Variants in CELF2 observed in about 807,000 individuals in gnomAD.
CELF2 encodes CUG triplet repeat RNA-binding protein 2.
In CELF2, 8 loss-of-function variants were observed where a neutral mutation model predicts 62.6. The observed-to-expected ratio is 0.13, with a 90% CI of 0.07 to 0.23. The LOEUF (loss-of-function observed/expected upper bound fraction) is 0.23, where lower values mean the gene tolerates loss of function less well. CELF2 is among the 10% of genes least tolerant of loss of function. The pLI, the probability that CELF2 is intolerant of heterozygous loss-of-function variation, is 1.00. For synonymous variants in CELF2, 258 were observed against 250.0 expected, an observed-to-expected ratio of 1.03 and a Z score of -0.30; for missense variants, 333 against 671.0, an observed-to-expected ratio of 0.50 and a Z score of 5.56.
intron 7 of CELF2, among the ~76,000 whole-genome samples, chr10:11,272,211 T>C (rs2084080579): frequency 6.6e-6 from 1 of 152,252 alleles, no homozygotes; most frequent in African/African-American, 2.4e-5. Flanking sequence ...TTTCTGTCCA[T>C]TTCTCTACCT....
At chr10:10,792,294 G>C in the CELF2 span, 3 of 397,496 alleles carry the variant, frequency 7.5e-6, no homozygotes, top group Non-Finnish European at 8.9e-6. Context: ...AAGTGAATCT[G>C]TGGTACATTC....
chr10:11,270,995 A>G lies in CELF2; in HGVS notation c.777+171A>G, dbSNP rs546307381. On this transcript the variant is annotated intron_variant, in intron 7 of 12. Coordinates refer to ENST00000633077, the MANE Select transcript of CELF2 (RefSeq NM_001326342.2). This position sits in a 1 kb window ranked among gnomAD's most constrained non-coding sequence, Gnocchi z 5.8. ...CCAAGTTAGATTGATTCTGTTAAGAACAGGACTAATTGAATTCCTGCCTGA... is the reference window on the plus strand; with the variant it reads ...CCAAGTTAGATTGATTCTGTTAAGAGCAGGACTAATTGAATTCCTGCCTGA... Among the ~76,000 whole-genome samples, 195 of 152,366 alleles carry G rather than the reference A, an allele frequency of 1.3e-3. No homozygotes were observed. The highest frequency in any genetic ancestry group is 4.4e-3 in the African/African-American group (185 of 41,590).
chr10:10,863,632 C>A (rs1010773912), intron 1 of CELF2, among the ~76,000 whole-genome samples: 26 of 152,066 alleles, frequency 1.7e-4, no homozygotes, highest in African/African-American at 5.1e-4. Flanking sequence ...ATGGCAAAAA[C>A]CACAATTACT....
the CELF2 span, among the ~76,000 whole-genome samples, chr10:10,580,671 C>T: frequency 2.0e-5 from 3 of 152,138 alleles, no homozygotes; most frequent in Non-Finnish European, 2.9e-5. Context: ...GAAACTAATA[C>T]ATAACATAGA....
intron 1 of CELF2, among the ~76,000 whole-genome samples, chr10:11,161,896 A>G (rs2065806014): frequency 6.6e-6 from 1 of 152,204 alleles, no homozygotes; most frequent in African/African-American, 2.4e-5. Flanking sequence ...CCAAAGGTTT[A>G]ACTGTTGAAC....
At chr10:10,514,493 GA>G in the CELF2 span, among the ~76,000 whole-genome samples, 20 of 152,194 alleles carry the variant, frequency 1.3e-4, no homozygotes, top group Non-Finnish European at 2.8e-4. Context: ...GTTAACACAA[GA>G]AACAGCAAGC....
Position 11,329,432 on chromosome 10 carries a change from G to A in CELF2, c.*379G>A, listed in dbSNP as rs2132816058. On this transcript the variant is annotated 3_prime_UTR_variant, in exon 13 of 13. Coordinates refer to ENST00000633077, the MANE Select transcript of CELF2 (RefSeq NM_001326342.2). This position sits in a 1 kb window ranked among gnomAD's most constrained non-coding sequence, Gnocchi z 5.5. ...AAAAGGCAAACAAACAAACGCTAAT[G>A]TGCAATTCTAACTCTGAAACCACTG... 1 of 153,346 alleles carries A rather than the reference G, an allele frequency of 6.5e-6. No individual in the cohort carries two copies. The highest frequency in any genetic ancestry group is 1.9e-4 in the East Asian group (1 of 5,174). The allele number at this position is 153,346 out of a possible 1,614,324, so 9.5% of individuals were successfully genotyped here.
At chr10:11,103,114 A>G (rs1187056803) in intron 1 of CELF2, among the ~76,000 whole-genome samples, 2 of 152,064 alleles carry the variant, frequency 1.3e-5, no homozygotes, top group Non-Finnish European at 2.9e-5. Flanking sequence ...TGCGGCTGCA[A>G]TCTCCCTTTT....
intron 2 of CELF2, among the ~76,000 whole-genome samples, chr10:11,186,887 A>G (rs2075093508): frequency 6.6e-6 from 1 of 152,200 alleles, no homozygotes; most frequent in South Asian, 2.1e-4. Flanking sequence ...ATCTCTAATT[A>G]AATGTCCTTT....
intron 1 of CELF2, among the ~76,000 whole-genome samples, chr10:10,808,789 T>G (rs563276414): frequency 6.6e-6 from 1 of 152,292 alleles, no homozygotes; most frequent in East Asian, 1.9e-4. Flanking sequence ...CTAGGAAGAT[T>G]ACTAAAAAGT....
At chr10:10,839,120 T>A (rs1269599063) in intron 1 of CELF2, among the ~76,000 whole-genome samples, 4 of 152,164 alleles carry the variant, frequency 2.6e-5, no homozygotes, top group Non-Finnish European at 5.9e-5. Context: ...CACTCCAGCC[T>A]GAGCGACAGA....
In CELF2 at chr10:10,979,986, T is replaced by C. The variant is rs767384321; in HGVS notation, c.89+59987T>C. Among the ~76,000 whole-genome samples, 128 of 152,318 alleles carry C rather than the reference T, an allele frequency of 8.4e-4. 2 individuals are homozygous for C. Among genetic ancestry groups the C allele is most frequent in the South Asian group, 2.1e-3 (10 of 4,824 alleles). On this transcript the variant is annotated intron_variant, in intron 2 of 13. Transcript: ENST00000636488. ...TTGTTTTTAGGGAGAATGTTGACAG[T>C]GCTTGTAGAAGCAAAATGAAAGGTG...
intron 1 of CELF2, among the ~76,000 whole-genome samples, chr10:11,162,500 G>A (rs944604597): frequency 3.9e-5 from 6 of 152,082 alleles, no homozygotes; most frequent in African/African-American, 1.2e-4. Flanking sequence ...AGAAATGAGA[G>A]GTGCTCATGG....
the CELF2 span, among the ~76,000 whole-genome samples, chr10:10,558,876 G>T: frequency 2.6e-5 from 4 of 152,238 alleles, no homozygotes; most frequent in African/African-American, 9.6e-5. Flanking sequence ...GGGCACATGT[G>T]ACTGAGCTTA....
intron 1 of CELF2, among the ~76,000 whole-genome samples, chr10:10,834,045 A>G (rs2058082155): frequency 1.3e-5 from 2 of 152,238 alleles, no homozygotes; most frequent in Non-Finnish European, 2.9e-5. Flanking sequence ...CACAATAGCA[A>G]AGACACGGAA....
intron 9 of CELF2, among the ~76,000 whole-genome samples, chr10:11,308,093 C>T (rs1242403082): frequency 2.0e-5 from 3 of 152,208 alleles, no homozygotes; most frequent in Non-Finnish European, 1.5e-5. Context: ...TTGAATATGT[C>T]ATCTTACTAA....
chr10:11,253,171 G>A (rs997388532), intron 4 of CELF2, among the ~76,000 whole-genome samples: 7 of 152,128 alleles, frequency 4.6e-5, no homozygotes, highest in East Asian at 1.9e-4. Context: ...GCCTCTTGCC[G>A]CAAGGGAAGT....
the CELF2 span, among the ~76,000 whole-genome samples, chr10:10,752,404 C>T: frequency 6.6e-6 from 1 of 152,080 alleles, no homozygotes; most frequent in Non-Finnish European, 1.5e-5. Context: ...TTTCAAGATA[C>T]TCCAGGCCGG....
the CELF2 span, among the ~76,000 whole-genome samples, chr10:10,585,073 T>C: frequency 6.6e-6 from 1 of 152,258 alleles, no homozygotes; most frequent in East Asian, 1.9e-4. Flanking sequence ...TCTAGTAAAA[T>C]AGCCCTTAAC....
Sources: gnomAD v4.1 joint callset for allele counts (sites outside exome capture counted in the v4.1 genomes callset) on GRCh38, gnomAD v4.1.1 for gene constraint, Gnocchi (gnomAD v3.1) non-coding constraint, MANE v1.5 for transcripts, NCBI Gene and HGNC (gene_info 2026-07-23, HGNC 2026-07-21) for gene names.